The following SLC2A7 variants were observed in gnomAD, a reference collection of about 807,000 sequenced individuals.
The protein encoded by SLC2A7 is solute carrier family 2, facilitated glucose transporter member 7.
A neutral mutation model predicts 50.5 loss-of-function variants in SLC2A7; 50 were observed. The observed-to-expected ratio is 0.99, with a 90% confidence interval of 0.79 to 1.25. The LOEUF (loss-of-function observed/expected upper bound fraction) is 1.25. Among genes scored for constraint, SLC2A7 ranks in the 50% most tolerant of loss-of-function variants. The pLI, the probability that SLC2A7 is intolerant of heterozygous loss-of-function variation, is 0.00. For synonymous variants in SLC2A7, 308 were observed against 300.4 expected, an observed-to-expected ratio of 1.03 and a Z score of -0.26; for missense variants, 683 against 679.1, an observed-to-expected ratio of 1.01 and a Z score of -0.06.
chr1:9,009,329 G>C (rs1054275372), intron 9 of SLC2A7, among the ~76,000 whole-genome samples: 1 of 152,212 alleles, frequency 6.6e-6, no homozygotes, highest in Non-Finnish European at 1.5e-5. Flanking sequence ...GACACACCAC[G>C]TATTTTCATC....
intron 2 of SLC2A7, 85 bp downstream of exon 2, chr1:9,024,891 T>C: frequency 6.8e-7 from 1 of 1,476,314 alleles, no homozygotes; most frequent in Non-Finnish European, 9.4e-7. Context: ...GATGGCAGCC[T>C]CCACGGAGGA....
Position 9,007,458 on chromosome 1 carries a change from C to T in SLC2A7, c.1117-73G>A. On this transcript the variant is annotated intron_variant, in intron 9 of 11. Coordinates refer to ENST00000400906, the MANE Select transcript of SLC2A7 (RefSeq NM_207420.3). ...TGCGGGGGGGTCCACCTGCGGGTCC[C>T]ACCTTCCTGCCCCAGGGAGGAGCTG... The T allele has an allele frequency of 5.7e-6, 8 of 1,414,246 alleles. No individual in the cohort carries two copies. In the East Asian group the frequency reaches 9.5e-5, roughly 17 times the overall value. The allele number at this position is 1,414,246 out of a possible 1,614,324, so 87.6% of individuals were successfully genotyped here.
At chr1:8,998,390 G>A (rs1443063549), downstream of SLC2A7, among the ~76,000 whole-genome samples, 1 of 152,108 alleles carries the variant, frequency 6.6e-6, no homozygotes, top group Admixed American at 6.5e-5. Flanking sequence ...GGGCGACAGA[G>A]CAAGATTCCA....
chr1:9,005,568 G>A (rs945107765), intron 10 of SLC2A7, among the ~76,000 whole-genome samples: 1 of 151,984 alleles, frequency 6.6e-6, no homozygotes, highest in African/African-American at 2.4e-5. Context: ...TCATTGAAAA[G>A]GTCCGGTCTC....
chr1:9,010,158 C>T lies in SLC2A7; in HGVS notation c.1101G>A (p.Val367=). 1 of 1,552,662 alleles carries T rather than the reference C, an allele frequency of 6.4e-7. No homozygotes were observed. The highest frequency in any genetic ancestry group is 8.7e-7 in the Non-Finnish European group (1 of 1,147,570). Residue 367 remains valine (V), a synonymous_variant, in exon 9 of 12, where the codon GTG becomes GTA. Transcript: ENST00000400906. ...GAGGTCAGACCTGGAATAGGAGCAC[C>T]ACCGTCAGCACCAGGCAGGCAGAGC... ...ICGSACLVLT[V]VLLFQNRVPE...
intron 3 of SLC2A7, among the ~76,000 whole-genome samples, chr1:9,020,950 A>C (rs1170841626): frequency 6.6e-6 from 1 of 152,094 alleles, no homozygotes; most frequent in East Asian, 1.9e-4. Flanking sequence ...TGGAAGATGT[A>C]ACTTGCCCCT....
downstream of SLC2A7, among the ~76,000 whole-genome samples, chr1:8,999,093 G>T (rs1355969597): frequency 6.6e-6 from 1 of 152,156 alleles, no homozygotes; most frequent in African/African-American, 2.4e-5. Flanking sequence ...TTCTGGGAAG[G>T]TTTTTTAAAT....
At position 9,022,798 on chromosome 1, in the gene SLC2A7, T is replaced by C. The variant is rs548189945; in HGVS notation, c.311+120A>G. 4.6e-4 allele frequency: 613 copies of C among 1,346,412 alleles called. 1 individual carries two copies. Among genetic ancestry groups the C allele is most frequent in the Middle Eastern group, 2.2e-3 (8 of 3,720 alleles). The allele number at this position is 1,346,412 out of a possible 1,614,324, so 83.4% of individuals were successfully genotyped here. A position where few individuals can be genotyped will look rare whatever the true frequency, so the allele number is the denominator to read the frequency against. Reference sequence around the variant, plus strand: ...ATGATGACTGTGGCCAAGCGGAGACTAGACTTCAGATCTCCTGATTTTCAG... The same window carrying C: ...ATGATGACTGTGGCCAAGCGGAGACCAGACTTCAGATCTCCTGATTTTCAG... On this transcript the variant is annotated intron_variant, in intron 3 of 11. Coordinates refer to ENST00000400906, the MANE Select transcript of SLC2A7 (RefSeq NM_207420.3).
At chr1:9,019,411 G>C in intron 3 of SLC2A7, 78 bp from the exon 4 acceptor site, 1 of 1,577,578 alleles carries the variant, frequency 6.3e-7, no homozygotes, top group Non-Finnish European at 8.6e-7. Flanking sequence ...CCTATTCTGC[G>C]GGCAGTCACT....
chr1:9,003,354 T>G lies in SLC2A7; in HGVS notation c.1485A>C (p.Glu495Asp), dbSNP rs746947069. Residue 495 changes from glutamate to aspartate, a missense_variant, in exon 12 of 12, where the codon GAA (glutamate) becomes GAC (aspartate). Physicochemically the swap from Glu to Asp is conservative, Grantham distance 45 (BLOSUM62 2). Transcript: ENST00000400906. Reference protein sequence around the residue: ...NRVKLPEEKEETIDAGPPTAS... With the variant: ...NRVKLPEEKEDTIDAGPPTAS... ...CTGTGGGAGGCCCAGCATCAATGGT[T>G]TCTTCTTTCTCCTCTGGAAGCTTCA... 3 of 1,614,188 alleles carry G rather than the reference T, an allele frequency of 1.9e-6. No homozygotes were observed. The highest frequency in any genetic ancestry group is 2.5e-6 in the Non-Finnish European group (3 of 1,180,032).
In SLC2A7 at chr1:9,015,242, C is replaced by G; in HGVS notation, c.590G>C (p.Gly197Ala). The G allele has an allele frequency of 6.3e-7, 1 of 1,590,038 alleles. No individual in the cohort carries two copies. Residue 197 changes from glycine (G) to alanine (A), a missense_variant and splice_region_variant, in exon 6 of 12, where the codon GGC becomes GCC. Physicochemically the swap from Gly to Ala is moderately conservative, Grantham distance 60 (BLOSUM62 0). Transcript: ENST00000400906. Reference sequence around the variant, plus strand: ...TGTGAGCGCCAGAAGCACCGGCCAGCCTGCAAGGAGCCAAGGACTCAGGAT... The same window carrying G: ...TGTGAGCGCCAGAAGCACCGGCCAGGCTGCAAGGAGCCAAGGACTCAGGAT... ...SLQAILGNPA[G>A]WPVLLALTGV...
At chr1:9,019,058 T>TG in intron 4 of SLC2A7, 151 bp downstream of exon 4, 2 of 968,832 alleles carry the variant, frequency 2.1e-6, no homozygotes, top group Non-Finnish European at 2.9e-6. Flanking sequence ...AAAACAAGCA[T>TG]GAGGCTTGCA....
chr1:9,001,334 C>T (rs140598025), downstream of SLC2A7, among the ~76,000 whole-genome samples: 47 of 151,502 alleles, frequency 3.1e-4, no homozygotes, highest in East Asian at 7.4e-3. Flanking sequence ...TATGACAATA[C>T]GGTTCCAGCC....
intron 1 of SLC2A7, 151 bp downstream of exon 1, chr1:9,026,144 A>G: frequency 1.2e-6 from 1 of 845,294 alleles, no homozygotes; most frequent in South Asian, 1.5e-5. Context: ...CTGCTTCTCC[A>G]CATGGCTCTC....
At chr1:9,012,978 C>T (rs1467299586) in intron 8 of SLC2A7, among the ~76,000 whole-genome samples, 1 of 152,176 alleles carries the variant, frequency 6.6e-6, no homozygotes, top group Non-Finnish European at 1.5e-5. Context: ...GCAATCTCCA[C>T]CTCCCAAGTT....
At chr1:8,993,775 G>A in the SLC2A7 span, among the ~76,000 whole-genome samples, 22 of 152,214 alleles carry the variant, frequency 1.4e-4, no homozygotes, top group Admixed American at 2.6e-4. Context: ...CTACAGGTGT[G>A]CGTCACCATG....
intron 3 of SLC2A7, among the ~76,000 whole-genome samples, chr1:9,020,321 A>ATG (rs1240618544): frequency 6.6e-6 from 1 of 152,196 alleles, no homozygotes; most frequent in African/African-American, 2.4e-5. Flanking sequence ...ACTAGACACG[A>ATG]TGACTGTCAG....
chr1:9,004,012 G>T (rs1640614703), intron 11 of SLC2A7, among the ~76,000 whole-genome samples: 2 of 145,862 alleles, frequency 1.4e-5, no homozygotes, highest in South Asian at 2.1e-4. Flanking sequence ...ACTAAAGATT[G>T]TTTGCAGGAA....
chr1:9,004,705 T>G (rs1423652599), intron 11 of SLC2A7, 47 bp downstream of exon 11: 1 of 1,609,582 alleles, frequency 6.2e-7, no homozygotes, highest in Non-Finnish European at 8.5e-7. Context: ...TACATCTTAC[T>G]CCCTGGAGGC....
Sources: gnomAD v4.1 joint callset for allele counts (sites outside exome capture counted in the v4.1 genomes callset) on GRCh38, gnomAD v4.1.1 for gene constraint, MANE v1.5 for transcripts, NCBI Gene and HGNC (gene_info 2026-07-23, HGNC 2026-07-21) for gene names.